The following STXBP5L variants were observed in gnomAD, a reference collection of about 807,000 sequenced individuals.
STXBP5L encodes the protein syntaxin-binding protein 5-like.
A neutral mutation model predicts 144.5 loss-of-function variants in STXBP5L; 65 were observed. That is an observed-to-expected ratio of 0.45 (90% CI 0.37 to 0.55). STXBP5L has a LOEUF of 0.55. Among genes scored for constraint, STXBP5L ranks in the 20% least tolerant of loss-of-function variants. The probability of loss-of-function intolerance (pLI) is 0.00; values close to 1 mark genes in which losing one functional copy is unlikely to be tolerated. For missense variants in STXBP5L, 1,298 were observed against 1,405.5 expected, an observed-to-expected ratio of 0.92 and a Z score of 1.22; for synonymous variants, 505 against 469.6, an observed-to-expected ratio of 1.08 and a Z score of -0.97.
chr3:121,045,697 C>T (rs185278737), intron 5 of STXBP5L, among the ~76,000 whole-genome samples, 162 bp downstream of exon 5: 371 of 151,998 alleles, frequency 2.4e-3, no homozygotes, highest in Middle Eastern at 3.4e-3. Context: ...GTAGAAAATG[C>T]GTAATTGATA....
intron 2 of STXBP5L, among the ~76,000 whole-genome samples, chr3:120,918,172 TC>T (rs1709195522): frequency 1.3e-5 from 2 of 152,162 alleles, no homozygotes; most frequent in Non-Finnish European, 1.5e-5. Flanking sequence ...CTTTCCTGCC[TC>T]CCTTTTTTAA....
chr3:121,289,910 AG>A (rs1482300335), intron 19 of STXBP5L, among the ~76,000 whole-genome samples: 2 of 152,166 alleles, frequency 1.3e-5, no homozygotes, highest in African/African-American at 2.4e-5. Context: ...CAGCAAAAGC[AG>A]TGCTAAGAGG....
At chr3:120,989,483 T>C (rs1485629458) in intron 3 of STXBP5L, among the ~76,000 whole-genome samples, 2 of 152,138 alleles carry the variant, frequency 1.3e-5, no homozygotes, top group Admixed American at 6.6e-5. Flanking sequence ...ATGGGTTTGC[T>C]TTTTTTGCTG....
At chr3:120,995,676 C>G (rs747647363) in intron 3 of STXBP5L, among the ~76,000 whole-genome samples, 3 of 151,958 alleles carry the variant, frequency 2.0e-5, no homozygotes, top group Non-Finnish European at 4.4e-5. Context: ...CTTACTTCCA[C>G]TTAAGTCTCC....
chr3:121,084,585 A>T (rs2042400837), intron 5 of STXBP5L, among the ~76,000 whole-genome samples: 1 of 151,944 alleles, frequency 6.6e-6, no homozygotes, highest in African/African-American at 2.4e-5. Flanking sequence ...TATGTAACAT[A>T]TTTTCTTTAT....
intron 8 of STXBP5L, among the ~76,000 whole-genome samples, chr3:121,153,596 T>A (rs1448849430): frequency 1.3e-5 from 2 of 151,996 alleles, no homozygotes; most frequent in African/African-American, 4.8e-5. Context: ...TAGAATACTT[T>A]ACATGTTCTC....
chr3:121,048,136 C>A (rs1254181379), intron 5 of STXBP5L, among the ~76,000 whole-genome samples: 5 of 152,050 alleles, frequency 3.3e-5, no homozygotes, highest in Non-Finnish European at 5.9e-5. Flanking sequence ...GAAATTCTTG[C>A]TTGGAAATTG....
intron 10 of STXBP5L, among the ~76,000 whole-genome samples, chr3:121,221,238 T>C (rs1425899878): frequency 1.3e-5 from 2 of 151,968 alleles, no homozygotes; most frequent in Non-Finnish European, 2.9e-5. Flanking sequence ...AACAACTAAC[T>C]TCAGACCCAG....
At chr3:121,186,081 T>A (rs2047369533) in intron 9 of STXBP5L, among the ~76,000 whole-genome samples, 1 of 152,164 alleles carries the variant, frequency 6.6e-6, no homozygotes, top group Non-Finnish European at 1.5e-5. Context: ...AGTTCACTCA[T>A]GATTTGGCTC....
chr3:121,316,942 C>A (rs544827398), intron 19 of STXBP5L, among the ~76,000 whole-genome samples: 2 of 152,286 alleles, frequency 1.3e-5, no homozygotes, highest in East Asian at 3.9e-4. Flanking sequence ...TGTCAGATAG[C>A]AAAGCCTGTT....
intron 3 of STXBP5L, among the ~76,000 whole-genome samples, chr3:121,020,751 G>A (rs1203075107): frequency 1.3e-5 from 2 of 151,742 alleles, no homozygotes; most frequent in African/African-American, 4.8e-5. Flanking sequence ...CACAAGAACT[G>A]CTAAAGGGAG....
At chr3:121,339,485 C>T (rs1200308935) in intron 20 of STXBP5L, among the ~76,000 whole-genome samples, 2 of 152,046 alleles carry the variant, frequency 1.3e-5, no homozygotes, top group African/African-American at 4.8e-5. Flanking sequence ...CAAAAGCATT[C>T]CCCCTAAGAA....
rs373859677 is a variant in STXBP5L, at chr3:121,394,602, G to GTTT, written c.2588-12623_2588-12621dup. On this transcript the variant is annotated intron_variant, in intron 22 of 26. Transcript: ENST00000471454. ...TCTTTGTATGTCTAGTTTGTTGAGG[G>GTTT]TTTTTTTTTTTTTTTTTTTTGAGAC... 2.7e-3 allele frequency among the ~76,000 whole-genome samples: 266 copies of GTTT among 99,732 alleles called. 8 individuals carry two copies. The highest frequency in any genetic ancestry group is 3.2e-3 in the African/African-American group (81 of 24,968). The allele number at this position is 99,732 out of a possible 152,430, so 65.4% of individuals were successfully genotyped here.
At chr3:121,067,222 A>C (rs370904272) in intron 5 of STXBP5L, among the ~76,000 whole-genome samples, 2 of 151,998 alleles carry the variant, frequency 1.3e-5, no homozygotes, top group Admixed American at 1.3e-4. Context: ...GATTAATGAG[A>C]TGGAACCTTA....
At chr3:121,037,022 G>A (rs1465299390) in intron 3 of STXBP5L, among the ~76,000 whole-genome samples, 1 of 151,798 alleles carries the variant, frequency 6.6e-6, no homozygotes, top group African/African-American at 2.4e-5. Context: ...AAACTCCTGG[G>A]CTCAGGCAAT....
chr3:121,017,740 C>T (rs1020356141), intron 3 of STXBP5L, among the ~76,000 whole-genome samples: 5 of 151,970 alleles, frequency 3.3e-5, no homozygotes, highest in Admixed American at 2.0e-4. Context: ...ATCTATATAA[C>T]GAAAATCAGA....
At chr3:120,968,920 T>A (rs1001128417) in intron 3 of STXBP5L, among the ~76,000 whole-genome samples, 1 of 152,096 alleles carries the variant, frequency 6.6e-6, no homozygotes, top group Non-Finnish European at 1.5e-5. Context: ...ATATATGCCA[T>A]TTTTTCTTTA....
intron 18 of STXBP5L, among the ~76,000 whole-genome samples, chr3:121,273,157 CT>C (rs1378105395): frequency 1.3e-5 from 2 of 151,918 alleles, no homozygotes; most frequent in Non-Finnish European, 2.9e-5. Context: ...TCCATGTTAG[CT>C]TAATTTAAGA....
At chr3:121,051,352 C>A (rs1329112787) in intron 5 of STXBP5L, among the ~76,000 whole-genome samples, 4 of 152,116 alleles carry the variant, frequency 2.6e-5, no homozygotes, top group Non-Finnish European at 4.4e-5. Flanking sequence ...CTCTCCTCAG[C>A]AAATGTAAAA....
Sources: gnomAD v4.1 joint callset for allele counts (sites outside exome capture counted in the v4.1 genomes callset) on GRCh38, gnomAD v4.1.1 for gene constraint, MANE v1.5 for transcripts, NCBI Gene and HGNC (gene_info 2026-07-23, HGNC 2026-07-21) for gene names.